Variants in ZNF385D observed in about 807,000 individuals in gnomAD.
ZNF385D encodes the protein zinc finger protein 385D.
Under a neutral mutation model 35.8 loss-of-function variants are expected in ZNF385D, and 15 were observed. That is an observed-to-expected ratio of 0.42 (90% CI 0.28 to 0.64). ZNF385D has a LOEUF of 0.64. Among genes scored for constraint, ZNF385D ranks in the 30% least tolerant of loss-of-function variants. The probability of loss-of-function intolerance (pLI) is 0.23; values close to 1 mark genes in which losing one functional copy is unlikely to be tolerated. For synonymous variants in ZNF385D, 212 were observed against 186.8 expected, an observed-to-expected ratio of 1.13 and a Z score of -1.10; for missense variants, 474 against 494.6, an observed-to-expected ratio of 0.96 and a Z score of 0.39.
chr3:22,117,202 A>T (rs1180210664), intron 3 of ZNF385D, among the ~76,000 whole-genome samples: 1 of 152,002 alleles, frequency 6.6e-6, no homozygotes, highest in Non-Finnish European at 1.5e-5. Context: ...AATATTTTAA[A>T]TTATTACAAG....
chr3:21,684,400 CTCTCCTCTCTCTCT>C (rs1559516750), intron 1 of ZNF385D, among the ~76,000 whole-genome samples: 20 of 81,738 alleles, frequency 2.4e-4, no homozygotes, highest in African/African-American at 1.1e-3. Context: ...CTCTCTCTCT[CTCTCCTCTCTCTCT>C]CTCTCTCTCT....
chr3:22,191,238 C>A (rs1433704892), intron 2 of ZNF385D, among the ~76,000 whole-genome samples: 1 of 152,036 alleles, frequency 6.6e-6, no homozygotes, highest in Non-Finnish European at 1.5e-5. Context: ...CGCCTATAAT[C>A]CCAGCACTTT....
Position 22,284,500 on chromosome 3 carries a change from A to AT in ZNF385D, c.106+87949dup, listed in dbSNP as rs546606889. ...CCACTGCACCTGTCCCCAACACAGG[A>AT]TTTTTTTTAATGACCCAAATCTTTT... On this transcript the variant is annotated intron_variant, in intron 2 of 5. Coordinates refer to the ZNF385D transcript ENST00000494108. Among the ~76,000 whole-genome samples, 327 of 151,904 alleles carry AT rather than the reference A, an allele frequency of 2.2e-3. 5 individuals are homozygous for AT. The South Asian group carries it at 0.041, about 19-fold the overall frequency.
chr3:22,333,587 T>G (rs574728886), intron 2 of ZNF385D, among the ~76,000 whole-genome samples: 17 of 152,338 alleles, frequency 1.1e-4, no homozygotes, highest in African/African-American at 3.8e-4. Flanking sequence ...TTTCATTTAT[T>G]TTTTCAGCCC....
At chr3:21,901,375 A>G (rs1221624284) in intron 3 of ZNF385D, among the ~76,000 whole-genome samples, 1 of 152,194 alleles carries the variant, frequency 6.6e-6, no homozygotes, top group Non-Finnish European at 1.5e-5. Flanking sequence ...TTGGAAGCAT[A>G]TAGAAAGCTG....
intron 2 of ZNF385D, among the ~76,000 whole-genome samples, chr3:22,306,058 C>A (rs1703194743): frequency 6.6e-6 from 1 of 152,110 alleles, no homozygotes; most frequent in Admixed American, 6.6e-5. Flanking sequence ...ATGTCTATAG[C>A]TTGTTTCCTT....
At chr3:21,534,789 C>G (rs1262721714) in intron 3 of ZNF385D, among the ~76,000 whole-genome samples, 1 of 152,050 alleles carries the variant, frequency 6.6e-6, no homozygotes, top group Non-Finnish European at 1.5e-5. Flanking sequence ...TGAAAGACAC[C>G]CTGATGTCCT....
intron 3 of ZNF385D, among the ~76,000 whole-genome samples, chr3:22,165,299 A>G (rs189857955): frequency 1.6e-3 from 249 of 152,298 alleles, no homozygotes; most frequent in African/African-American, 5.6e-3. Context: ...ATGCTTGAAC[A>G]CGAAACTATT....
chr3:22,356,799 GA>G (rs1696172513), intron 2 of ZNF385D, among the ~76,000 whole-genome samples: 1 of 151,858 alleles, frequency 6.6e-6, no homozygotes, highest in South Asian at 2.1e-4. Flanking sequence ...TAGAAAGATA[GA>G]TAGATAGCTC....
At chr3:21,575,130 A>AG (rs2063458830) in intron 2 of ZNF385D, among the ~76,000 whole-genome samples, 2 of 152,348 alleles carry the variant, frequency 1.3e-5, no homozygotes, top group African/African-American at 4.8e-5. Context: ...AGATACGTAA[A>AG]AATGCCAATC....
intron 4 of ZNF385D, among the ~76,000 whole-genome samples, chr3:21,439,443 G>A (rs891660404): frequency 5.3e-5 from 8 of 151,900 alleles, no homozygotes; most frequent in Admixed American, 3.9e-4. Flanking sequence ...CGTAAATACA[G>A]ATATTATATT....
At chr3:22,172,864 G>A (rs751009506) in intron 2 of ZNF385D, among the ~76,000 whole-genome samples, 14 of 152,174 alleles carry the variant, frequency 9.2e-5, no homozygotes, top group Non-Finnish European at 2.1e-4. Flanking sequence ...AAGCGGGATA[G>A]GGCACAACAC....
intron 2 of ZNF385D, among the ~76,000 whole-genome samples, chr3:22,217,548 G>C (rs977626372): frequency 2.0e-5 from 3 of 152,056 alleles, no homozygotes; most frequent in Non-Finnish European, 4.4e-5. Flanking sequence ...CTGGATGTTG[G>C]GACTTTAACA....
chr3:21,610,723 C>T (rs528126416), intron 2 of ZNF385D, among the ~76,000 whole-genome samples: 66 of 151,504 alleles, frequency 4.4e-4, no homozygotes, highest in African/African-American at 1.5e-3. Context: ...TGCAGTGAGC[C>T]GAGATCGCGC....
intron 2 of ZNF385D, among the ~76,000 whole-genome samples, chr3:22,230,437 A>C (rs990892632): frequency 3.9e-5 from 6 of 151,972 alleles, no homozygotes; most frequent in Admixed American, 1.3e-4. Flanking sequence ...CCTTCCCTGG[A>C]GTTTTCTTAG....
At chr3:21,860,868 A>C (rs931622314) in intron 3 of ZNF385D, among the ~76,000 whole-genome samples, 3 of 152,092 alleles carry the variant, frequency 2.0e-5, no homozygotes, top group Non-Finnish European at 4.4e-5. Context: ...AAACCAAATG[A>C]AAAGGGGCAG....
intron 4 of ZNF385D, among the ~76,000 whole-genome samples, chr3:21,495,561 G>A (rs1270799410): frequency 6.6e-6 from 1 of 152,044 alleles, no homozygotes; most frequent in Admixed American, 6.6e-5. Context: ...GTTTAAGAGG[G>A]AAATTTATAG....
At chr3:21,931,361 T>G (rs575537215) in intron 3 of ZNF385D, among the ~76,000 whole-genome samples, 2 of 152,312 alleles carry the variant, frequency 1.3e-5, no homozygotes, top group South Asian at 4.1e-4. Flanking sequence ...TAAAATGGTA[T>G]GATCACCTCA....
intron 3 of ZNF385D, among the ~76,000 whole-genome samples, chr3:21,976,416 G>C (rs930951278): frequency 6.6e-6 from 1 of 152,118 alleles, no homozygotes; most frequent in Non-Finnish European, 1.5e-5. Flanking sequence ...TGATCACATG[G>C]AGAATTTTGA....
Sources: gnomAD v4.1 joint callset for allele counts (sites outside exome capture counted in the v4.1 genomes callset) on GRCh38, gnomAD v4.1.1 for gene constraint, MANE v1.5 for transcripts, NCBI Gene and HGNC (gene_info 2026-07-23, HGNC 2026-07-21) for gene names.